DCC: variants seen among roughly 807,000 people sequenced by gnomAD.
DCC encodes DCC netrin 1 receptor.
DCC carries 58 observed loss-of-function variants against 172.5 expected under a neutral mutation model. That is an observed-to-expected ratio of 0.34 (90% confidence interval 0.27 to 0.42). The LOEUF (loss-of-function observed/expected upper bound fraction) is 0.42. Among genes scored for constraint, DCC ranks in the 10% least tolerant of loss-of-function variants. DCC has a pLI of 1.00. For missense variants in DCC, 1,740 were observed against 1,791.0 expected, an observed-to-expected ratio of 0.97 and a Z score of 0.51; for synonymous variants, 709 against 644.5, an observed-to-expected ratio of 1.10 and a Z score of -1.52.
At chr18:52,689,490 A>T (rs1022191966) in intron 1 of DCC, among the ~76,000 whole-genome samples, 1 of 152,086 alleles carries the variant, frequency 6.6e-6, no homozygotes, top group African/African-American at 2.4e-5. Context: ...GAATACTTAT[A>T]ATAAGTTGTC....
chr18:53,179,205 T>C, intron 9 of DCC, 89 bp downstream of exon 9: 1 of 1,333,490 alleles, frequency 7.5e-7, no homozygotes, highest in East Asian at 2.5e-5. Context: ...CTTTGCGAAG[T>C]GACAAAAGCG....
intron 1 of DCC, among the ~76,000 whole-genome samples, chr18:52,615,685 G>T (rs570578991): frequency 6.6e-6 from 1 of 152,120 alleles, no homozygotes; most frequent in Non-Finnish European, 1.5e-5. Flanking sequence ...AATCATCAAG[G>T]AAGTTTGGTT....
rs184837725 is a variant in DCC, at chr18:52,681,624, G to A, written c.92-70430G>A. ...TCAACGTATATTAAATATCAAAGGAGCTGCTGCTAATTCTGACTTGGTTTT... is the reference window on the plus strand; with the variant it reads ...TCAACGTATATTAAATATCAAAGGAACTGCTGCTAATTCTGACTTGGTTTT... On this transcript the variant is annotated intron_variant, in intron 1 of 28. Transcript: ENST00000442544. Among the ~76,000 whole-genome samples, 54 of 152,210 alleles carry A rather than the reference G, an allele frequency of 3.5e-4. No individual in the cohort carries two copies. The East Asian group carries it at 7.7e-3, about 22-fold the overall frequency.
intron 2 of DCC, among the ~76,000 whole-genome samples, chr18:52,862,689 C>A (rs1399653766): frequency 6.6e-6 from 1 of 151,980 alleles, no homozygotes; most frequent in Non-Finnish European, 1.5e-5. Context: ...CAGAGCAAGA[C>A]TGTTGTCTCC....
At chr18:52,476,878 A>G (rs1989109920) in intron 1 of DCC, among the ~76,000 whole-genome samples, 1 of 152,180 alleles carries the variant, frequency 6.6e-6, no homozygotes, top group African/African-American at 2.4e-5. Flanking sequence ...ACAATAGGAG[A>G]GTAAGCTGAA....
chr18:52,349,204 T>C (rs1263277771), intron 1 of DCC, among the ~76,000 whole-genome samples: 1 of 152,148 alleles, frequency 6.6e-6, no homozygotes, highest in Non-Finnish European at 1.5e-5. Flanking sequence ...TTGTTTGGGT[T>C]TATAATTTTT....
rs142884946 is a variant in DCC, at chr18:52,705,664, A to G, written c.92-46390A>G. ...TAGAGATCTAAAAACACAGATCTTG[A>G]TCTAGCTTTTATCATTCTGTGCTGT... On this transcript the variant is annotated intron_variant, in intron 1 of 28. Transcript: ENST00000442544. Among the ~76,000 whole-genome samples, 689 of 152,328 alleles carry G rather than the reference A, an allele frequency of 4.5e-3. 2 individuals carry two copies. The highest frequency in any genetic ancestry group is 7.2e-3 in the Non-Finnish European group (489 of 68,038).
chr18:53,361,777 A>G (rs956224984), intron 15 of DCC, among the ~76,000 whole-genome samples: 1 of 152,228 alleles, frequency 6.6e-6, no homozygotes, highest in African/African-American at 2.4e-5. Context: ...TGAATACTGC[A>G]TAATTTTTTC....
Position 52,417,492 on chromosome 18 carries a change from G to A in DCC, c.91+76614G>A, listed in dbSNP as rs1034796889. Among the ~76,000 whole-genome samples the A allele has an allele frequency of 7.0e-4, 106 of 152,088 alleles. 1 individual carries two copies. Among genetic ancestry groups the A allele is most frequent in the African/African-American group, 2.5e-3 (103 of 41,400 alleles). On this transcript the variant is annotated intron_variant, in intron 1 of 28. Transcript: ENST00000442544. ...TTTCTAACTTGGTTCCATTCTCCCC[G>A]TCACTTTCAGGTGCACCAATCAGAC...
intron 1 of DCC, among the ~76,000 whole-genome samples, chr18:52,341,760 A>G (rs188830277): frequency 1.2e-3 from 181 of 152,302 alleles, no homozygotes; most frequent in African/African-American, 4.0e-3. Context: ...AATAGAAAAG[A>G]GCAAAATGAC....
At chr18:52,976,607 A>T (rs982948814) in intron 5 of DCC, among the ~76,000 whole-genome samples, 1 of 152,206 alleles carries the variant, frequency 6.6e-6, no homozygotes, top group African/African-American at 2.4e-5. Context: ...GCTCATTTAC[A>T]AATGTAATCT....
At chr18:52,613,847 G>A (rs1685506197) in intron 1 of DCC, among the ~76,000 whole-genome samples, 1 of 152,150 alleles carries the variant, frequency 6.6e-6, no homozygotes, top group African/African-American at 2.4e-5. Context: ...TCCTATACTG[G>A]TGGTGTTATA....
chr18:53,267,718 G>C (rs1405626640), intron 12 of DCC, among the ~76,000 whole-genome samples: 1 of 151,430 alleles, frequency 6.6e-6, no homozygotes, highest in Non-Finnish European at 1.5e-5. Flanking sequence ...CTCCTGACTT[G>C]GTCTCCCCAA....
chr18:53,106,863 A>G (rs1598808132), intron 7 of DCC, among the ~76,000 whole-genome samples: 1 of 151,968 alleles, frequency 6.6e-6, no homozygotes, highest in African/African-American at 2.4e-5. Flanking sequence ...GATGTGCTCT[A>G]CTACAAGAAT....
At chr18:53,023,204 C>G (rs1369474551) in intron 5 of DCC, among the ~76,000 whole-genome samples, 1 of 151,430 alleles carries the variant, frequency 6.6e-6, no homozygotes, top group Non-Finnish European at 1.5e-5. Flanking sequence ...GTTTATATAA[C>G]CACAAAAATT....
At chr18:53,233,658 C>T (rs935071766) in intron 12 of DCC, among the ~76,000 whole-genome samples, 1 of 152,162 alleles carries the variant, frequency 6.6e-6, no homozygotes, top group African/African-American at 2.4e-5. Context: ...TAAAACTCTT[C>T]CGAGTTACCT....
At chr18:53,206,531 AATAC>A (rs1486506344) in intron 10 of DCC, among the ~76,000 whole-genome samples, 1 of 144,244 alleles carries the variant, frequency 6.9e-6, no homozygotes, top group Non-Finnish European at 1.5e-5. Context: ...TATTATATAT[AATAC>A]ATATCTATGT....
chr18:52,425,192 C>T (rs1987382959), intron 1 of DCC, among the ~76,000 whole-genome samples: 1 of 152,110 alleles, frequency 6.6e-6, no homozygotes, highest in Non-Finnish European at 1.5e-5. Context: ...CAAAATAATA[C>T]ACTGGCAAAA....
chr18:52,400,212 A>G (rs918782249), intron 1 of DCC, among the ~76,000 whole-genome samples: 6 of 151,980 alleles, frequency 3.9e-5, no homozygotes, highest in Non-Finnish European at 7.4e-5. Context: ...CTGTCAATTC[A>G]TAAGGGTAGC....
Sources: allele counts gnomAD v4.1 joint callset (sites outside exome capture counted in the v4.1 genomes callset), GRCh38; gene constraint gnomAD v4.1.1; transcripts MANE v1.5; gene names NCBI Gene and HGNC (gene_info 2026-07-23, HGNC 2026-07-21).